ZC3H11A: variants seen among roughly 807,000 people sequenced by gnomAD.
The protein encoded by ZC3H11A is zinc finger CCCH-type containing 11A, also known as zinc finger CCCH domain-containing protein 11A.
In ZC3H11A, 22 loss-of-function variants were observed where a neutral mutation model predicts 90.8. The ratio of observed to expected loss-of-function variants is 0.24; its 90% confidence interval spans 0.17 to 0.35. ZC3H11A has a LOEUF of 0.35. Among genes scored for constraint, ZC3H11A ranks in the 10% least tolerant of loss-of-function variants. The pLI is 1.00. For synonymous variants in ZC3H11A, 294 were observed against 339.8 expected, an observed-to-expected ratio of 0.87 and a Z score of 1.48; for missense variants, 701 against 964.9, an observed-to-expected ratio of 0.73 and a Z score of 3.62.
rs1392231149 is a variant in ZC3H11A at position 203,802,850 on chromosome 1, G to T, written c.-312G>T. 1 of 152,354 alleles carries T rather than the reference G, an allele frequency of 6.6e-6. No homozygotes were observed. The highest frequency in any genetic ancestry group is 1.5e-5 in the Non-Finnish European group (1 of 67,996). 9.4% of individuals were successfully genotyped at this position (152,354 alleles called of 1,614,324 possible). A position where few individuals can be genotyped will look rare whatever the true frequency, so the allele number is the denominator to read the frequency against. Reference sequence around the variant, plus strand: ...GTTGGGAGATGTTTTAAAAACACATGCTGTGTTTGAATTGTGGCTGAGAGG... The same window carrying T: ...GTTGGGAGATGTTTTAAAAACACATTCTGTGTTTGAATTGTGGCTGAGAGG... On this transcript the variant is annotated 5_prime_UTR_variant, in exon 2 of 18. An upstream start codon of the reference 5' UTR is lost. Transcript: ENST00000367210.
At chr1:203,797,707 A>C (rs1267144219) in intron 1 of ZC3H11A, 1 of 1,534,978 alleles carries the variant, frequency 6.5e-7, no homozygotes, top group East Asian at 2.4e-5. Context: ...CCTGCTAAAA[A>C]GAAAAGAAAG....
At position 203,847,418 on chromosome 1, in the gene ZC3H11A, A is replaced by G. The variant is rs762132751; in HGVS notation, c.1277A>G (p.Lys426Arg). 1.3e-5 allele frequency: 21 copies of G among 1,614,010 alleles called. No homozygotes were observed. The highest frequency in any genetic ancestry group is 3.3e-4 in the Middle Eastern group (2 of 6,056). The change falls in exon 13 of 18, where the codon AAA (lysine) becomes AGA (arginine). Residue 426 changes from lysine (K) to arginine (R), a missense_variant. Lys to Arg is a conservative substitution (Grantham distance 26, BLOSUM62 2). Coordinates refer to ENST00000367210, the MANE Select transcript of ZC3H11A (RefSeq NM_001376342.1). Reference protein sequence around the residue: ...RQQEAERQKSKKDTTCIKLKI... With the variant: ...RQQEAERQKSRKDTTCIKLKI... ...CAGGAAGCAGAGAGACAAAAAAGCA[A>G]AAAGGATACAACTTGCATCAAGCTA...
chr1:203,845,957 G>A (rs1405308125), intron 12 of ZC3H11A, among the ~76,000 whole-genome samples: 2 of 151,854 alleles, frequency 1.3e-5, no homozygotes, highest in Non-Finnish European at 2.9e-5. Flanking sequence ...TCAGGAGTTT[G>A]GAAAGTGAGA....
chr1:203,838,997 C>T (rs943621064), intron 11 of ZC3H11A, among the ~76,000 whole-genome samples: 4 of 144,974 alleles, frequency 2.8e-5, no homozygotes, highest in African/African-American at 1.0e-4. Flanking sequence ...AGGTTATAAA[C>T]AAGGATCACA....
chr1:203,797,661 A>T, intron 1 of ZC3H11A: 1 of 1,536,104 alleles, frequency 6.5e-7, no homozygotes, highest in African/African-American at 1.4e-5. Context: ...AGAGGAAAAG[A>T]TGGTAGCAGA....
intron 3 of ZC3H11A, among the ~76,000 whole-genome samples, chr1:203,817,489 A>G (rs1279424842): frequency 6.6e-6 from 1 of 151,736 alleles, no homozygotes; most frequent in African/African-American, 2.4e-5. Context: ...TAGTTAGTGA[A>G]TTGTGTTGTA....
chr1:203,819,644 C>T (rs1170870126), intron 4 of ZC3H11A, among the ~76,000 whole-genome samples: 1 of 149,846 alleles, frequency 6.7e-6, no homozygotes, highest in Non-Finnish European at 1.5e-5. Context: ...AAGCGGTTCT[C>T]CTGCCTCAGC....
intron 2 of ZC3H11A, among the ~76,000 whole-genome samples, chr1:203,815,947 T>G (rs1006894327): frequency 1.3e-5 from 2 of 152,218 alleles, no homozygotes; most frequent in Non-Finnish European, 2.9e-5. Flanking sequence ...GAGAAAATAT[T>G]TGTTGTTTTG....
chr1:203,847,753 G>A (rs981668747), intron 13 of ZC3H11A, 66 bp downstream of exon 13: 1 of 1,552,870 alleles, frequency 6.4e-7, no homozygotes, highest in Non-Finnish European at 8.7e-7. Context: ...TGTTCCGTGG[G>A]ATCTTCCTAG....
At chr1:203,851,789 C>G (rs1689339209) in intron 17 of ZC3H11A, among the ~76,000 whole-genome samples, 1 of 150,912 alleles carries the variant, frequency 6.6e-6, no homozygotes, top group Non-Finnish European at 1.5e-5. Flanking sequence ...ATAGTGAGGT[C>G]TTGTCTCTAA....
intron 12 of ZC3H11A, among the ~76,000 whole-genome samples, chr1:203,846,699 A>T (rs1206614008): frequency 6.6e-6 from 1 of 152,214 alleles, no homozygotes; most frequent in Non-Finnish European, 1.5e-5. Flanking sequence ...TTTTGTTAAG[A>T]TTTATAATGA....
rs762751606 is a variant in ZC3H11A at position 203,800,382 on chromosome 1, G to A, written c.-1587-1193G>A. The A allele has an allele frequency of 7.5e-5, 76 of 1,008,744 alleles. No homozygotes were observed. Among genetic ancestry groups the A allele is most frequent in the Non-Finnish European group, 1.1e-4 (75 of 665,170 alleles). The allele number at this position is 1,008,744 out of a possible 1,614,324, so 62.5% of individuals were successfully genotyped here. On this transcript the variant is annotated intron_variant, in intron 1 of 17. Coordinates refer to ENST00000367210, the MANE Select transcript of ZC3H11A (RefSeq NM_001376342.1). Reference sequence around the variant, plus strand: ...AATGAACTTGAAAAATGTTAACTACGATTATTCTACGTTGGTTCTGAGCTG... The same window carrying A: ...AATGAACTTGAAAAATGTTAACTACAATTATTCTACGTTGGTTCTGAGCTG...
intron 4 of ZC3H11A, among the ~76,000 whole-genome samples, chr1:203,824,611 C>T (rs951877673): frequency 5.3e-5 from 8 of 151,878 alleles, no homozygotes; most frequent in South Asian, 2.1e-4. Context: ...CCAGGTGAGG[C>T]GGAACAGAGC....
intron 2 of ZC3H11A, chr1:203,806,324 C>T (rs1301895837): frequency 8.6e-6 from 2 of 231,728 alleles, no homozygotes; most frequent in East Asian, 1.4e-4. Flanking sequence ...TTTTTTGAGA[C>T]GGAGTCTCGC....
At position 203,847,061 on chromosome 1, in the gene ZC3H11A, T is replaced by G. The variant is rs892047852; in HGVS notation, c.1043-123T>G. 1.5e-5 allele frequency: 16 copies of G among 1,089,384 alleles called. No homozygotes were observed. In the South Asian group the frequency reaches 2.3e-4, roughly 16 times the overall value. 67.5% of individuals were successfully genotyped at this position (1,089,384 alleles called of 1,614,324 possible). A position where few individuals can be genotyped will look rare whatever the true frequency, so the allele number is the denominator to read the frequency against. On this transcript the variant is annotated intron_variant, in intron 12 of 17. Transcript: ENST00000367210. ...GAAATAAATGTTACCCTTTTGATCCTTTTAATTGCCTGCTTAAATGATAGC... is the reference window on the plus strand; with the variant it reads ...GAAATAAATGTTACCCTTTTGATCCGTTTAATTGCCTGCTTAAATGATAGC...
At position 203,833,293 on chromosome 1, in the gene ZC3H11A, AGGT is replaced by A. The variant is rs1683014844; in HGVS notation, c.812-495_812-493del. Among the ~76,000 whole-genome samples the A allele has an allele frequency of 2.1e-5, 3 of 139,710 alleles. No homozygotes were observed. The Admixed American group carries it at 2.4e-4, about 11-fold the overall frequency. The allele number at this position is 139,710 out of a possible 152,430, so 91.7% of individuals were successfully genotyped here. On this transcript the variant is annotated intron_variant, in intron 9 of 17. Transcript: ENST00000367210. ...GGCAGGAGAATCGCTTGAACCCGGGAGGTGGAGGTTGCAGTGAGCCGAGATCGG... is the reference window on the plus strand; with the variant it reads ...GGCAGGAGAATCGCTTGAACCCGGGAGGAGGTTGCAGTGAGCCGAGATCGG...
At chr1:203,816,474 A>T (rs1006376427) in intron 2 of ZC3H11A, among the ~76,000 whole-genome samples, 27 of 152,154 alleles carry the variant, frequency 1.8e-4, no homozygotes, top group East Asian at 9.7e-4. Flanking sequence ...AATTTTTTTT[A>T]AAAAATTAGC....
At chr1:203,812,578 A>ATTTTTTTTTTTTTTTTTTTTTTTT in intron 2 of ZC3H11A, among the ~76,000 whole-genome samples, 1 of 109,318 alleles carries the variant, frequency 9.1e-6, no homozygotes, top group Non-Finnish European at 1.8e-5. Context: ...GCCATTCTAA[A>ATTTTTTTTTTTTTTTTTTTTTTTT]TTTTTTTTTT....
At chr1:203,852,057 G>A (rs2103483746) in intron 17 of ZC3H11A, 84 bp from the exon 18 acceptor site, 1 of 1,425,058 alleles carries the variant, frequency 7.0e-7, no homozygotes, top group East Asian at 2.4e-5. Flanking sequence ...ACAAATTTTT[G>A]CTCACTTTGT....
Sources: gnomAD v4.1 joint callset for allele counts (sites outside exome capture counted in the v4.1 genomes callset) on GRCh38, gnomAD v4.1.1 for gene constraint, MANE v1.5 for transcripts, NCBI Gene and HGNC (gene_info 2026-07-23, HGNC 2026-07-21) for gene names.